The following MEIS2 variants were observed in gnomAD, a reference collection of about 807,000 sequenced individuals.
MEIS2 encodes homeobox protein Meis2.
MEIS2 carries 9 observed loss-of-function variants against 58.6 expected under a neutral mutation model. The observed-to-expected ratio is 0.15, with a 90% CI of 0.09 to 0.27. MEIS2 has a LOEUF of 0.27. Ranked by LOEUF, MEIS2 falls within the 10% of genes least tolerant of loss-of-function variation. The probability of loss-of-function intolerance (pLI) is 1.00; values close to 1 mark genes in which losing one functional copy is unlikely to be tolerated. For missense variants in MEIS2, 427 were observed against 635.0 expected (o/e 0.67, Z 3.52); for synonymous variants, 221 against 228.4 (o/e 0.97, Z 0.29).
intron 6 of MEIS2, among the ~76,000 whole-genome samples, chr15:37,085,163 A>C (rs1166832843): frequency 6.6e-6 from 1 of 152,236 alleles, no homozygotes; most frequent in Non-Finnish European, 1.5e-5. Context: ...ATCACTAAAA[A>C]AACCAATCAA....
At chr15:36,987,864 C>T (rs1173366885) in intron 8 of MEIS2, among the ~76,000 whole-genome samples, 1 of 151,902 alleles carries the variant, frequency 6.6e-6, no homozygotes, top group East Asian at 1.9e-4. Flanking sequence ...CACTCAGTTT[C>T]AATGTTGAGA....
intron 8 of MEIS2, among the ~76,000 whole-genome samples, chr15:37,031,840 T>C (rs1384446183): frequency 6.6e-6 from 1 of 151,602 alleles, no homozygotes; most frequent in East Asian, 1.9e-4. Context: ...TGTGTGTGTG[T>C]GTGTGTGTGT....
At chr15:36,985,638 G>T (rs1056766003) in intron 8 of MEIS2, among the ~76,000 whole-genome samples, 1 of 152,034 alleles carries the variant, frequency 6.6e-6, no homozygotes, top group Non-Finnish European at 1.5e-5. Flanking sequence ...TTTCTTATAA[G>T]GATTGTATTT....
intron 8 of MEIS2, among the ~76,000 whole-genome samples, chr15:36,958,424 T>C (rs982477483): frequency 6.6e-6 from 1 of 152,198 alleles, no homozygotes; most frequent in East Asian, 1.9e-4. Context: ...TACCTTAGGA[T>C]AAGGAGAAAC....
intron 9 of MEIS2, among the ~76,000 whole-genome samples, chr15:36,905,282 A>G (rs2056675044): frequency 6.6e-6 from 1 of 152,268 alleles, no homozygotes; most frequent in East Asian, 1.9e-4. Flanking sequence ...GGAGGGGTGG[A>G]AATGCCAGAA....
At chr15:36,977,603 C>T (rs2059800508) in intron 8 of MEIS2, among the ~76,000 whole-genome samples, 1 of 152,076 alleles carries the variant, frequency 6.6e-6, no homozygotes, top group African/African-American at 2.4e-5. Context: ...GCATAGTGCC[C>T]AACACACAGT....
chr15:36,970,358 C>A (rs572674470), intron 8 of MEIS2, among the ~76,000 whole-genome samples: 1 of 150,900 alleles, frequency 6.6e-6, no homozygotes. Context: ...GAGCCGAGAT[C>A]GCGCCACTGC....
chr15:37,094,445 T>A, intron 5 of MEIS2, 82 bp downstream of exon 5: 2 of 1,373,290 alleles, frequency 1.5e-6, no homozygotes, highest in Non-Finnish European at 2.0e-6. Context: ...TCCCTCACAC[T>A]AGAGGTTTGT....
chr15:37,040,992 T>C (rs1238728791), intron 7 of MEIS2, among the ~76,000 whole-genome samples: 1 of 152,188 alleles, frequency 6.6e-6, no homozygotes, highest in African/African-American at 2.4e-5. Flanking sequence ...AGATGCAGCC[T>C]CAGGAACAGG....
intron 9 of MEIS2, chr15:36,903,882 C>A (rs184823520): frequency 1.3e-5 from 2 of 152,322 alleles, no homozygotes; most frequent in Admixed American, 1.3e-4. Flanking sequence ...GCCAAAAATG[C>A]ACCAAGCTGT....
At chr15:37,086,354 T>G (rs1488332813) in intron 6 of MEIS2, among the ~76,000 whole-genome samples, 2 of 152,226 alleles carry the variant, frequency 1.3e-5, no homozygotes, top group Non-Finnish European at 2.9e-5. Context: ...GTGCTGAGTT[T>G]TCAAGTTAGG....
chr15:36,934,267 T>G (rs1342796900), intron 9 of MEIS2, among the ~76,000 whole-genome samples: 3 of 145,202 alleles, frequency 2.1e-5, no homozygotes, highest in African/African-American at 2.6e-5. Flanking sequence ...CCCATTTGTG[T>G]TTTTTTTTTT....
chr15:37,016,960 A>G (rs2061371172), intron 8 of MEIS2, among the ~76,000 whole-genome samples: 1 of 152,250 alleles, frequency 6.6e-6, no homozygotes, highest in Non-Finnish European at 1.5e-5. Flanking sequence ...ACCGGAAAGT[A>G]TTCTCTGTTT....
intron 7 of MEIS2, among the ~76,000 whole-genome samples, chr15:37,048,011 TA>T (rs1209335388): frequency 6.6e-6 from 1 of 152,216 alleles, no homozygotes; most frequent in Non-Finnish European, 1.5e-5. Flanking sequence ...TATCCATATT[TA>T]ACTGAAGTGG....
rs183461201 is a variant in MEIS2 at position 36,890,002 on chromosome 15, A to G, written c.*2171T>C. 114 of 152,308 alleles carry G rather than the reference A, an allele frequency of 7.5e-4. No homozygotes were observed. Among genetic ancestry groups the G allele is most frequent in the African/African-American group, 2.7e-3 (112 of 41,580 alleles). The allele number at this position is 152,308 out of a possible 1,614,324, so 9.4% of individuals were successfully genotyped here. The stretch of plus-strand genomic sequence containing the variant: ...TCTACCTGACTAAATATAACACAAA[A>G]CAATAGAAGTGTATTTCCTCGTTCA... On this transcript the variant is annotated 3_prime_UTR_variant, in exon 12 of 12. Transcript: ENST00000561208.
chr15:36,975,928 C>T (rs1172187834), intron 8 of MEIS2, among the ~76,000 whole-genome samples: 1 of 152,002 alleles, frequency 6.6e-6, no homozygotes. Context: ...GTGGGTTTAG[C>T]CATTCCACAA....
chr15:37,056,455 A>T (rs1888410687), intron 7 of MEIS2, among the ~76,000 whole-genome samples: 1 of 152,220 alleles, frequency 6.6e-6, no homozygotes, highest in South Asian at 2.1e-4. Flanking sequence ...TTTCCTTCAG[A>T]AAGAAAAGAT....
chr15:36,975,446 C>T (rs2059708750), intron 8 of MEIS2, among the ~76,000 whole-genome samples: 1 of 143,578 alleles, frequency 7.0e-6, no homozygotes, highest in African/African-American at 2.6e-5. Flanking sequence ...TAAGGCCAGG[C>T]GGTGGGTTTA....
At chr15:37,012,252 G>C (rs558108347) in intron 8 of MEIS2, among the ~76,000 whole-genome samples, 1 of 152,294 alleles carries the variant, frequency 6.6e-6, no homozygotes, top group East Asian at 1.9e-4. Flanking sequence ...ATAGCAGCAA[G>C]ATTTTATAGA....
Sources: gnomAD v4.1 joint callset for allele counts (sites outside exome capture counted in the v4.1 genomes callset) on GRCh38, gnomAD v4.1.1 for gene constraint, MANE v1.5 for transcripts, NCBI Gene and HGNC (gene_info 2026-07-23, HGNC 2026-07-21) for gene names.